The following RBFOX1 variants were observed in gnomAD, a reference collection of about 807,000 sequenced individuals.
The protein encoded by RBFOX1 is RNA binding fox-1 homolog 1.
In RBFOX1, 8 loss-of-function variants were observed where a neutral mutation model predicts 57.7. That is an observed-to-expected ratio of 0.14 (90% CI 0.08 to 0.25). The LOEUF (loss-of-function observed/expected upper bound fraction) is 0.25, where lower values mean the gene tolerates loss of function less well. Ranked by LOEUF, RBFOX1 falls within the 10% of genes least tolerant of loss-of-function variation. RBFOX1 has a pLI of 1.00. For synonymous variants in RBFOX1, 326 were observed against 222.4 expected, an observed-to-expected ratio of 1.47 and a Z score of -4.15; for missense variants, 611 against 548.5, an observed-to-expected ratio of 1.11 and a Z score of -1.14.
At chr16:5,269,263 G>C (rs1448322272) in intron 1 of RBFOX1, among the ~76,000 whole-genome samples, 4 of 152,216 alleles carry the variant, frequency 2.6e-5, no homozygotes, top group African/African-American at 9.7e-5. Flanking sequence ...GTATGATGTG[G>C]TATCTCATTG....
At chr16:7,195,453 A>AT (rs1174393035) in intron 4 of RBFOX1, among the ~76,000 whole-genome samples, 1 of 152,140 alleles carries the variant, frequency 6.6e-6, no homozygotes, top group East Asian at 1.9e-4. Flanking sequence ...GTCCTCTAAT[A>AT]TTGGCAAGGC....
At chr16:6,763,274 G>A (rs1407338013) in intron 3 of RBFOX1, among the ~76,000 whole-genome samples, 1 of 152,192 alleles carries the variant, frequency 6.6e-6, no homozygotes, top group Non-Finnish European at 1.5e-5. Flanking sequence ...ATTTCCTCCT[G>A]TTAGTGAGAA....
intron 1 of RBFOX1, among the ~76,000 whole-genome samples, chr16:6,137,224 A>T (rs1444271016): frequency 2.6e-5 from 4 of 152,250 alleles, no homozygotes; most frequent in African/African-American, 9.6e-5. Flanking sequence ...TGATAAAGAT[A>T]TCTGCCATTT....
Position 6,613,914 on chromosome 16 carries a change from G to A in RBFOX1, c.-63-40689G>A, listed in dbSNP as rs148643149. Among the ~76,000 whole-genome samples, 233 of 152,180 alleles carry A rather than the reference G, an allele frequency of 1.5e-3. 2 individuals carry two copies. The East Asian group carries it at 0.032, about 21-fold the overall frequency. Reference sequence around the variant, plus strand: ...GATTGTGCCACTGCACTCCAGCCTGGGCGACAGAGTGTGACTCAGTCTCCA... The same window carrying A: ...GATTGTGCCACTGCACTCCAGCCTGAGCGACAGAGTGTGACTCAGTCTCCA... On this transcript the variant is annotated intron_variant, in intron 2 of 15. Coordinates refer to ENST00000550418, the MANE Select transcript of RBFOX1 (RefSeq NM_018723.4).
At chr16:7,029,865 T>A (rs567571440) in intron 3 of RBFOX1, among the ~76,000 whole-genome samples, 1 of 152,204 alleles carries the variant, frequency 6.6e-6, no homozygotes, top group African/African-American at 2.4e-5. Context: ...TTGATTCTTA[T>A]GTCCATTCAT....
intron 4 of RBFOX1, among the ~76,000 whole-genome samples, chr16:7,441,077 C>G (rs907799068): frequency 7.9e-5 from 12 of 152,036 alleles, no homozygotes; most frequent in Non-Finnish European, 1.8e-4. Flanking sequence ...TGTTATTTTC[C>G]TAAGATATCC....
chr16:7,392,955 C>T (rs1317118436), intron 4 of RBFOX1, among the ~76,000 whole-genome samples: 2 of 152,094 alleles, frequency 1.3e-5, no homozygotes, highest in African/African-American at 2.4e-5. Flanking sequence ...CTCACTGCAA[C>T]CTCCGCCTCC....
intron 4 of RBFOX1, among the ~76,000 whole-genome samples, chr16:5,875,908 A>G (rs1031429117): frequency 3.3e-5 from 5 of 149,942 alleles, no homozygotes; most frequent in African/African-American, 1.2e-4. Context: ...CAGTGGCGCC[A>G]TCTGGGCTCA....
intron 3 of RBFOX1, among the ~76,000 whole-genome samples, chr16:5,823,344 A>G (rs2055921773): frequency 6.6e-6 from 1 of 152,210 alleles, no homozygotes. Flanking sequence ...TACATAAAGG[A>G]AGGGGTAGCT....
At chr16:6,870,415 C>T (rs1015944709) in intron 3 of RBFOX1, among the ~76,000 whole-genome samples, 1 of 152,170 alleles carries the variant, frequency 6.6e-6, no homozygotes, top group Non-Finnish European at 1.5e-5. Flanking sequence ...CAAGTCTTAC[C>T]TCACTTCTGA....
At chr16:6,115,335 C>T (rs752503353) in intron 1 of RBFOX1, among the ~76,000 whole-genome samples, 2 of 152,226 alleles carry the variant, frequency 1.3e-5, no homozygotes, top group African/African-American at 2.4e-5. Context: ...AATTAAAGGG[C>T]TTGCATAGGA....
intron 4 of RBFOX1, chr16:7,510,357 G>T: frequency 1.0e-6 from 1 of 982,754 alleles, no homozygotes; most frequent in South Asian, 4.7e-5. Context: ...TCAAAATTGC[G>T]ATTTGAATGA....
intron 4 of RBFOX1, among the ~76,000 whole-genome samples, chr16:7,405,224 G>C (rs996044213): frequency 1.1e-4 from 17 of 152,214 alleles, no homozygotes; most frequent in Non-Finnish European, 2.4e-4. Flanking sequence ...GCTTGGTAAA[G>C]TAGAAAGGAA....
At chr16:5,412,838 T>G (rs959494600) in intron 1 of RBFOX1, among the ~76,000 whole-genome samples, 2 of 152,208 alleles carry the variant, frequency 1.3e-5, no homozygotes, top group Non-Finnish European at 2.9e-5. Flanking sequence ...TTCACATTTT[T>G]GGGAAGGATC....
chr16:6,000,445 G>A (rs1212941209), intron 4 of RBFOX1, among the ~76,000 whole-genome samples: 1 of 152,190 alleles, frequency 6.6e-6, no homozygotes, highest in Non-Finnish European at 1.5e-5. Context: ...AAAGGGGCAG[G>A]TGGTGCTGAA....
At chr16:6,892,116 C>G (rs150812478) in intron 3 of RBFOX1, among the ~76,000 whole-genome samples, 24 of 152,214 alleles carry the variant, frequency 1.6e-4, no homozygotes, top group African/African-American at 5.8e-4. Context: ...TGACTCTTAC[C>G]CAAGTCCCCA....
At chr16:6,322,830 C>T (rs975778603) in intron 2 of RBFOX1, among the ~76,000 whole-genome samples, 2 of 152,156 alleles carry the variant, frequency 1.3e-5, no homozygotes, top group African/African-American at 4.8e-5. Context: ...AATTCAAGGC[C>T]AGGCACAGGG....
At chr16:6,730,297 G>A (rs1210128873) in intron 3 of RBFOX1, among the ~76,000 whole-genome samples, 3 of 152,114 alleles carry the variant, frequency 2.0e-5, no homozygotes, top group Non-Finnish European at 4.4e-5. Context: ...TAGCAATGGT[G>A]AGAATCCCTT....
At chr16:7,348,670 C>T (rs140803543) in intron 4 of RBFOX1, among the ~76,000 whole-genome samples, 373 of 152,258 alleles carry the variant, frequency 2.4e-3, no homozygotes, top group South Asian at 7.9e-3. Flanking sequence ...GGCCGGTTGC[C>T]GTGGCTCACG....
Sources: allele counts gnomAD v4.1 joint callset (sites outside exome capture counted in the v4.1 genomes callset), GRCh38; gene constraint gnomAD v4.1.1; transcripts MANE v1.5; gene names NCBI Gene and HGNC (gene_info 2026-07-23, HGNC 2026-07-21).